SLC19A3: variants seen among roughly 807,000 people sequenced by gnomAD.
The protein encoded by SLC19A3 is thiamine transporter 2.
Under a neutral mutation model 40.2 loss-of-function variants are expected in SLC19A3, and 31 were observed. That is an observed-to-expected ratio of 0.77 (90% CI 0.58 to 1.04). The LOEUF is 1.04. SLC19A3 is among the 50% of genes least tolerant of loss of function. The pLI is 0.00. For missense variants in SLC19A3, 592 were observed against 596.7 expected, an observed-to-expected ratio of 0.99 and a Z score of 0.08; for synonymous variants, 212 against 227.5, an observed-to-expected ratio of 0.93 and a Z score of 0.61.
Position 227,715,951 on chromosome 2 carries a change from CAAAAA to C in SLC19A3, c.-3+1987_-3+1991del, listed in dbSNP as rs34546970. 1.3e-4 allele frequency among the ~76,000 whole-genome samples: 11 copies of C among 87,146 alleles called. No homozygotes were observed. The East Asian group carries it at 3.0e-3, about 24-fold the overall frequency. The allele number at this position is 87,146 out of a possible 152,430, so 57.2% of individuals were successfully genotyped here. A position where few individuals can be genotyped will look rare whatever the true frequency, so the allele number is the denominator to read the frequency against. On this transcript the variant is annotated intron_variant, in intron 1 of 5. Coordinates refer to ENST00000644224, the MANE Select transcript of SLC19A3 (RefSeq NM_025243.4). ...GGGCAACAAGAGCGAGACTCCGTCT[CAAAAA>C]AAAAAAAAAAAAAAAAAAATTTCAA...
chr2:227,695,375 G>A (rs972431942), intron 4 of SLC19A3: 2 of 158,350 alleles, frequency 1.3e-5, no homozygotes, highest in African/African-American at 4.8e-5. Flanking sequence ...AGCCAGGGCA[G>A]GTGGATCGCT....
At chr2:227,701,284 A>G in intron 2 of SLC19A3, 1 of 293,952 alleles carries the variant, frequency 3.4e-6, no homozygotes. Flanking sequence ...AGCCCAGGGT[A>G]ATTTTGCAGT....
chr2:227,687,887 T>C (rs1695078693), intron 5 of SLC19A3, among the ~76,000 whole-genome samples: 1 of 152,154 alleles, frequency 6.6e-6, no homozygotes, highest in Non-Finnish European at 1.5e-5. Flanking sequence ...TTGACCTGTC[T>C]CTATGTCTTT....
chr2:227,704,516 G>GT (rs1217732234), intron 1 of SLC19A3, among the ~76,000 whole-genome samples: 1 of 152,230 alleles, frequency 6.6e-6, no homozygotes, highest in African/African-American at 2.4e-5. Context: ...ACTAAAGGTA[G>GT]TAAGATTTGT....
At chr2:227,712,105 T>C (rs1696163195) in intron 1 of SLC19A3, among the ~76,000 whole-genome samples, 1 of 146,978 alleles carries the variant, frequency 6.8e-6, no homozygotes, top group African/African-American at 2.5e-5. Context: ...AGAGGTACTG[T>C]TAAGAAACTG....
rs760353099 is a variant in SLC19A3, at chr2:227,695,668, T to C, written c.1172+221A>G. 1.5e-4 allele frequency: 82 copies of C among 563,856 alleles called. No homozygotes were observed. In the Middle Eastern group the frequency reaches 2.0e-3, roughly 13 times the overall value. 34.9% of individuals were successfully genotyped at this position (563,856 alleles called of 1,614,324 possible). A position where few individuals can be genotyped will look rare whatever the true frequency, so the allele number is the denominator to read the frequency against. On this transcript the variant is annotated intron_variant, in intron 4 of 5. Coordinates refer to ENST00000644224, the MANE Select transcript of SLC19A3 (RefSeq NM_025243.4). ...TATCACTGCTTTTGGTCTATAAACC[T>C]ACAGAGTTTTTTCCCTTGATGACTT...
intron 1 of SLC19A3, among the ~76,000 whole-genome samples, chr2:227,717,228 C>T (rs1696364969): frequency 6.6e-6 from 1 of 152,254 alleles, no homozygotes; most frequent in South Asian, 2.1e-4. Context: ...TCTCGAATTC[C>T]TGACCTCAAG....
intron 1 of SLC19A3, among the ~76,000 whole-genome samples, chr2:227,716,010 G>A (rs1312381397): frequency 2.0e-5 from 3 of 149,100 alleles, no homozygotes; most frequent in Admixed American, 1.3e-4. Context: ...AACAAAAAAG[G>A]AAAGTCAGCT....
intron 4 of SLC19A3, among the ~76,000 whole-genome samples, chr2:227,694,331 G>T (rs994015012): frequency 6.6e-6 from 1 of 152,042 alleles, no homozygotes; most frequent in African/African-American, 2.4e-5. Context: ...TTAATGCAAA[G>T]AAATGATATA....
intron 1 of SLC19A3, among the ~76,000 whole-genome samples, chr2:227,705,207 C>A (rs931715338): frequency 6.6e-6 from 1 of 152,018 alleles, no homozygotes; most frequent in Admixed American, 6.6e-5. Context: ...AAAGGCTAAG[C>A]TTTTTTTCTG....
At chr2:227,693,559 C>T (rs1292771836) in intron 4 of SLC19A3, among the ~76,000 whole-genome samples, 1 of 152,112 alleles carries the variant, frequency 6.6e-6, no homozygotes, top group Non-Finnish European at 1.5e-5. Context: ...TGAAAGTAGA[C>T]CCCTATCTCT....
chr2:227,688,021 C>G, intron 5 of SLC19A3, 145 bp downstream of exon 5: 5 of 905,638 alleles, frequency 5.5e-6, no homozygotes, highest in East Asian at 5.2e-5. Flanking sequence ...TCAAAACCTA[C>G]TTGGTGTGTT....
intron 2 of SLC19A3, among the ~76,000 whole-genome samples, chr2:227,699,948 G>A (rs144011342): frequency 0.011 from 1,626 of 151,884 alleles, 25 homozygotes; most frequent in Middle Eastern, 0.048. Context: ...CCCGATCTTC[G>A]CTGACTGCAA....
chr2:227,687,645 T>C (rs1356575790), intron 5 of SLC19A3, 72 bp from the exon 6 acceptor site: 1 of 1,524,996 alleles, frequency 6.6e-7, no homozygotes, highest in African/African-American at 1.4e-5. Flanking sequence ...ATCCTAATAC[T>C]GTTGGTTTGC....
chr2:227,692,696 T>A (rs1334149659), intron 4 of SLC19A3, among the ~76,000 whole-genome samples: 1 of 152,168 alleles, frequency 6.6e-6, no homozygotes, highest in Non-Finnish European at 1.5e-5. Flanking sequence ...CTGGAAGTCT[T>A]CTCTAGAGCA....
At chr2:227,707,903 A>AT (rs1696006061) in intron 1 of SLC19A3, among the ~76,000 whole-genome samples, 1 of 152,054 alleles carries the variant, frequency 6.6e-6, no homozygotes, top group Admixed American at 6.5e-5. Context: ...AGTTTTTTGT[A>AT]TTTTTAGTAG....
chr2:227,692,469 A>T (rs1695269719), intron 4 of SLC19A3, among the ~76,000 whole-genome samples: 2 of 152,258 alleles, frequency 1.3e-5, no homozygotes, highest in South Asian at 4.1e-4. Flanking sequence ...CATTCAATTG[A>T]TGCTAAACAA....
At chr2:227,691,304 C>G (rs576025504) in intron 4 of SLC19A3, among the ~76,000 whole-genome samples, 1 of 152,058 alleles carries the variant, frequency 6.6e-6, no homozygotes, top group Non-Finnish European at 1.5e-5. Context: ...TTACAAGTGC[C>G]TACATAAAAA....
At chr2:227,707,080 C>T (rs113194857) in intron 1 of SLC19A3, among the ~76,000 whole-genome samples, 10 of 152,178 alleles carry the variant, frequency 6.6e-5, no homozygotes, top group East Asian at 3.9e-4. Flanking sequence ...TGCACCTGCA[C>T]GGCAGACCAG....
Sources: allele counts gnomAD v4.1 joint callset (sites outside exome capture counted in the v4.1 genomes callset), GRCh38; gene constraint gnomAD v4.1.1; transcripts MANE v1.5; gene names NCBI Gene and HGNC (gene_info 2026-07-23, HGNC 2026-07-21).